Variants in TMEM178B observed in about 807,000 individuals in gnomAD.
TMEM178B encodes the protein transmembrane protein 178B.
Under a neutral mutation model 31.0 loss-of-function variants are expected in TMEM178B, and 5 were observed. The observed-to-expected ratio is 0.16, with a 90% confidence interval of 0.08 to 0.34. TMEM178B has a LOEUF of 0.34. Ranked by LOEUF, TMEM178B falls within the 10% of genes least tolerant of loss-of-function variation. The probability of loss-of-function intolerance (pLI) is 1.00; values close to 1 mark genes in which losing one functional copy is unlikely to be tolerated. For missense variants in TMEM178B, 275 were observed against 400.3 expected, an observed-to-expected ratio of 0.69 and a Z score of 2.67; for synonymous variants, 164 against 164.0, an observed-to-expected ratio of 1.00 and a Z score of 0.00.
At chr7:141,196,688 G>A (rs1030921075) in intron 1 of TMEM178B, among the ~76,000 whole-genome samples, 50 of 152,126 alleles carry the variant, frequency 3.3e-4, no homozygotes, top group Admixed American at 2.0e-4. Context: ...TGGGTGCGTC[G>A]AATATCAAAC....
rs1044695208 is a variant in TMEM178B at position 141,166,109 on chromosome 7, G to A, written c.383-46482G>A. Among the ~76,000 whole-genome samples, 33 of 152,222 alleles carry A rather than the reference G, an allele frequency of 2.2e-4. 1 individual carries two copies. Among genetic ancestry groups the A allele is most frequent in the Non-Finnish European group, 1.5e-5 (1 of 68,048 alleles). On this transcript the variant is annotated intron_variant, in intron 1 of 3. Transcript: ENST00000565468. ...GCTGGATAGTCAAAGACAACCAGCAGCATTTGCCACAATTGCTGTACTCAG... is the reference window on the plus strand; with the variant it reads ...GCTGGATAGTCAAAGACAACCAGCAACATTTGCCACAATTGCTGTACTCAG...
chr7:141,184,700 C>T (rs954391853), intron 1 of TMEM178B, among the ~76,000 whole-genome samples: 11 of 152,290 alleles, frequency 7.2e-5, no homozygotes, highest in Admixed American at 2.6e-4. Context: ...GAGCACGGAG[C>T]TTGGGGGAAC....
intron 2 of TMEM178B, among the ~76,000 whole-genome samples, chr7:141,316,560 G>GTGTA (rs1310006357): frequency 6.6e-6 from 1 of 151,954 alleles, no homozygotes; most frequent in Non-Finnish European, 1.5e-5. Context: ...TGCTGTGTGT[G>GTGTA]TGTGTGTGTC....
the TMEM178B span, among the ~76,000 whole-genome samples, chr7:141,498,353 A>C: frequency 6.6e-6 from 1 of 152,214 alleles, no homozygotes; most frequent in Non-Finnish European, 1.5e-5. Context: ...AGCTTGAGTT[A>C]TGATCAGGGA....
rs55901733 is a variant in TMEM178B, at chr7:141,336,133, G to T, written c.497-101475G>T. On this transcript the variant is annotated intron_variant, in intron 2 of 3. Transcript: ENST00000565468. ...GTTACGTGCCAACTGGAAGAATCTC[G>T]CTGGCCCCGCCCTGGTCATCCTGGG... is the stretch of plus-strand genomic sequence containing the variant. Among the ~76,000 whole-genome samples the T allele has an allele frequency of 8.8e-3, 1,341 of 152,112 alleles. 19 individuals carry two copies. Among genetic ancestry groups the T allele is most frequent in the African/African-American group, 0.03 (1,234 of 41,472 alleles).
intron 2 of TMEM178B, among the ~76,000 whole-genome samples, chr7:141,349,137 GCTT>G (rs2116525492): frequency 6.6e-6 from 1 of 152,212 alleles, no homozygotes; most frequent in Admixed American, 6.5e-5. Flanking sequence ...AAACAATCCA[GCTT>G]CTTTTACTTA....
intron 2 of TMEM178B, among the ~76,000 whole-genome samples, chr7:141,227,599 T>C (rs1439637304): frequency 6.6e-6 from 1 of 152,138 alleles, no homozygotes; most frequent in African/African-American, 2.4e-5. Flanking sequence ...TAGGAGGTCT[T>C]AGGAAATGCA....
At chr7:141,356,491 A>G (rs1300038918) in intron 2 of TMEM178B, among the ~76,000 whole-genome samples, 3 of 151,540 alleles carry the variant, frequency 2.0e-5, no homozygotes, top group African/African-American at 7.3e-5. Context: ...GCATTTTTTC[A>G]TATGTTTGTT....
chr7:141,261,748 T>C (rs1798015735), intron 2 of TMEM178B, among the ~76,000 whole-genome samples: 1 of 151,964 alleles, frequency 6.6e-6, no homozygotes, highest in Non-Finnish European at 1.5e-5. Flanking sequence ...AGTCCAAAAG[T>C]GAAAAGAAGT....
the TMEM178B span, among the ~76,000 whole-genome samples, chr7:141,488,839 T>A: frequency 1.3e-4 from 20 of 148,854 alleles, no homozygotes; most frequent in African/African-American, 3.9e-4. Context: ...AAAAAAAAGA[T>A]GTCAGTTTAT....
chr7:141,127,536 A>T (rs944108943), intron 1 of TMEM178B, among the ~76,000 whole-genome samples: 1 of 152,184 alleles, frequency 6.6e-6, no homozygotes, highest in Non-Finnish European at 1.5e-5. Context: ...AGAGATTGGG[A>T]TGTTGGAGCA....
At chr7:141,190,340 G>A (rs555159820) in intron 1 of TMEM178B, among the ~76,000 whole-genome samples, 1 of 152,154 alleles carries the variant, frequency 6.6e-6, no homozygotes, top group East Asian at 1.9e-4. Flanking sequence ...TTTAGACAGG[G>A]TCTTGTTCTG....
chr7:141,096,991 G>A (rs772130685), intron 1 of TMEM178B, among the ~76,000 whole-genome samples: 2 of 152,004 alleles, frequency 1.3e-5, no homozygotes, highest in African/African-American at 2.4e-5. Flanking sequence ...TCAGGAGGCT[G>A]AGGTGGGAGG....
intron 1 of TMEM178B, among the ~76,000 whole-genome samples, chr7:141,210,769 C>T (rs1473987804): frequency 2.0e-5 from 3 of 151,774 alleles, no homozygotes; most frequent in South Asian, 2.1e-4. Context: ...AGAGCCTTGG[C>T]GAGTCCCTCC....
intron 1 of TMEM178B, among the ~76,000 whole-genome samples, chr7:141,135,583 G>C (rs770549106): frequency 3.3e-5 from 5 of 152,086 alleles, no homozygotes; most frequent in Non-Finnish European, 5.9e-5. Context: ...GAGGAACTTT[G>C]GAAACTGTAC....
chr7:141,235,915 C>G (rs1479410679), intron 2 of TMEM178B, among the ~76,000 whole-genome samples: 1 of 152,174 alleles, frequency 6.6e-6, no homozygotes, highest in Non-Finnish European at 1.5e-5. Flanking sequence ...CTGTCTTGGC[C>G]GTCCCAGCTC....
chr7:141,357,793 A>G lies in TMEM178B; in HGVS notation c.497-79815A>G, dbSNP rs564077630. 5.3e-5 allele frequency among the ~76,000 whole-genome samples: 8 copies of G among 152,364 alleles called. No homozygotes were observed. In the South Asian group the frequency reaches 1.5e-3, roughly 28 times the overall value. ...AATTTTTAATACAAGTGTTTTGATA[A>G]CTAGGTAGCATTATTATGAGTTTTC... On this transcript the variant is annotated intron_variant, in intron 2 of 3. Transcript: ENST00000565468.
intron 1 of TMEM178B, among the ~76,000 whole-genome samples, chr7:141,180,182 A>C (rs1166531815): frequency 6.6e-6 from 1 of 152,180 alleles, no homozygotes; most frequent in African/African-American, 2.4e-5. Context: ...AAAAATTATG[A>C]ATCTAAAGAA....
rs3032868 is a variant in TMEM178B, at chr7:141,101,908, CGTGTGTGT to C, written c.382+27243_382+27250del. On this transcript the variant is annotated intron_variant, in intron 1 of 3. Transcript: ENST00000565468. The stretch of plus-strand genomic sequence containing the variant: ...CAGGTGCCTGGATAGTGTGTGTTAA[CGTGTGTGT>C]GTGTGTGTGTGTGTGTGTGTGTGTG... 1.5e-3 allele frequency among the ~76,000 whole-genome samples: 212 copies of C among 142,800 alleles called. 1 individual carries two copies. The highest frequency in any genetic ancestry group is 8.4e-3 in the South Asian group (37 of 4,396). 93.7% of individuals were successfully genotyped at this position (142,800 alleles called of 152,430 possible).
Sources: gnomAD v4.1 joint callset for allele counts (sites outside exome capture counted in the v4.1 genomes callset) on GRCh38, gnomAD v4.1.1 for gene constraint, MANE v1.5 for transcripts, NCBI Gene and HGNC (gene_info 2026-07-23, HGNC 2026-07-21) for gene names.